The following DLGAP4 variants were observed in gnomAD, a reference collection of about 807,000 sequenced individuals.
The protein encoded by DLGAP4 is DLG associated protein 4.
DLGAP4 carries 18 observed loss-of-function variants against 86.9 expected under a neutral mutation model. That is an observed-to-expected ratio of 0.21 (90% confidence interval 0.14 to 0.31). DLGAP4 has a LOEUF of 0.31. DLGAP4 is among the 10% of genes least tolerant of loss of function. The pLI is 1.00. For synonymous variants in DLGAP4, 548 were observed against 574.3 expected, an observed-to-expected ratio of 0.95 and a Z score of 0.65; for missense variants, 1,085 against 1,362.6, an observed-to-expected ratio of 0.80 and a Z score of 3.21.
rs1013070759 is a variant in DLGAP4 at position 36,308,321 on chromosome 20, C to T, written c.-304+1809C>T. Among the ~76,000 whole-genome samples, 1 of 152,172 alleles carries T rather than the reference C, an allele frequency of 6.6e-6. No homozygotes were observed. Among genetic ancestry groups the T allele is most frequent in the Admixed American group, 6.5e-5 (1 of 15,280 alleles). On this transcript the variant is annotated intron_variant, in intron 1 of 12. Coordinates refer to ENST00000339266, the MANE Select transcript of DLGAP4 (RefSeq NM_001365621.2). The surrounding 1 kb of genome is among the most constrained non-coding windows in gnomAD (Gnocchi z 4.5). ...GGAGTGCAATGGCTGACAGGGTCCCCACCTCCAGGAGCCTCTTTTTTGTTG... is the reference window on the plus strand; with the variant it reads ...GGAGTGCAATGGCTGACAGGGTCCCTACCTCCAGGAGCCTCTTTTTTGTTG...
intron 2 of DLGAP4, among the ~76,000 whole-genome samples, chr20:36,420,701 T>C (rs1345797506): frequency 6.6e-6 from 1 of 151,582 alleles, no homozygotes; most frequent in African/African-American, 2.4e-5. Flanking sequence ...AGGCTGGGTG[T>C]GGTAGCTCAC....
chr20:36,439,702 CT>C, intron 4 of DLGAP4, 51 bp from the exon 5 acceptor site: 1 of 1,527,678 alleles, frequency 6.5e-7, no homozygotes, highest in Non-Finnish European at 9.0e-7. Flanking sequence ...CCTCCAAAAG[CT>C]GGGTGAACAA....
intron 1 of DLGAP4, among the ~76,000 whole-genome samples, chr20:36,362,063 G>A (rs1342596511): frequency 3.3e-5 from 5 of 150,900 alleles, no homozygotes; most frequent in East Asian, 3.9e-4. Flanking sequence ...AGACTGAGGC[G>A]GGCAGATCAC....
intron 1 of DLGAP4, among the ~76,000 whole-genome samples, chr20:36,354,417 G>A (rs1160788922): frequency 6.6e-6 from 1 of 152,212 alleles, no homozygotes; most frequent in Admixed American, 6.5e-5. Context: ...TCTTTAATGA[G>A]TTTTAATAAA....
chr20:36,527,748 A>C lies in DLGAP4; in HGVS notation c.*717A>C, dbSNP rs1268835289. 4 of 152,640 alleles carry C rather than the reference A, an allele frequency of 2.6e-5. No individual in the cohort carries two copies. In the South Asian group the frequency reaches 6.2e-4, roughly 24 times the overall value. 9.5% of individuals were successfully genotyped at this position (152,640 alleles called of 1,614,324 possible). The stretch of plus-strand genomic sequence containing the variant: ...CCGCTGAGCAGATGAGGGAAGTTTT[A>C]GTCTTGGCGGGTGGAAATGAGACGA... On this transcript the variant is annotated 3_prime_UTR_variant, in exon 13 of 13. Coordinates refer to ENST00000339266, the MANE Select transcript of DLGAP4 (RefSeq NM_001365621.2).
At chr20:36,517,929 T>G (rs1427920949) in intron 10 of DLGAP4, among the ~76,000 whole-genome samples, 1 of 152,154 alleles carries the variant, frequency 6.6e-6, no homozygotes, top group Non-Finnish European at 1.5e-5. Flanking sequence ...CTGAAGGAAT[T>G]TAACAACAGG....
chr20:36,500,625 G>A lies in DLGAP4; in HGVS notation c.2512+14G>A. ...TCTCTGAAGAAGGTGGGTGCCACAT[G>A]GATGGTCCTTGGGCAAGGGTAGAAG... On this transcript the variant is annotated intron_variant, in intron 10 of 12. Transcript: ENST00000339266. The surrounding 1 kb of genome is among the most constrained non-coding windows in gnomAD (Gnocchi z 4.6). 1 of 1,480,972 alleles carries A rather than the reference G, an allele frequency of 6.8e-7. No homozygotes were observed. The highest frequency in any genetic ancestry group is 1.4e-5 in the African/African-American group (1 of 70,712). The allele number at this position is 1,480,972 out of a possible 1,614,324, so 91.7% of individuals were successfully genotyped here.
At chr20:36,358,066 C>T (rs891911133) in intron 1 of DLGAP4, among the ~76,000 whole-genome samples, 1 of 152,236 alleles carries the variant, frequency 6.6e-6, no homozygotes, top group African/African-American at 2.4e-5. Flanking sequence ...TCTGCTGTCA[C>T]TGGCTGTATG....
intron 2 of DLGAP4, among the ~76,000 whole-genome samples, chr20:36,379,860 G>T (rs1283004254): frequency 6.6e-6 from 1 of 152,190 alleles, no homozygotes; most frequent in Non-Finnish European, 1.5e-5. Context: ...AGTAACATTT[G>T]TATAAATACC....
intron 1 of DLGAP4, among the ~76,000 whole-genome samples, chr20:36,316,316 C>T (rs2065099119): frequency 6.6e-6 from 1 of 152,138 alleles, no homozygotes; most frequent in Non-Finnish European, 1.5e-5. Context: ...ACAGCCCCCT[C>T]CTGCTTTGCC....
intron 7 of DLGAP4, among the ~76,000 whole-genome samples, chr20:36,485,862 T>C (rs1170014967): frequency 6.6e-6 from 1 of 152,142 alleles, no homozygotes; most frequent in Non-Finnish European, 1.5e-5. Flanking sequence ...TTTTCAGAAA[T>C]GATTATTTTT....
intron 10 of DLGAP4, among the ~76,000 whole-genome samples, chr20:36,518,913 C>T (rs1341197761): frequency 2.0e-5 from 3 of 151,950 alleles, no homozygotes; most frequent in African/African-American, 4.8e-5. Context: ...GTCAGGAGTT[C>T]GAGACTAGCC....
chr20:36,455,710 C>A (rs560350980), intron 7 of DLGAP4, among the ~76,000 whole-genome samples: 21 of 152,298 alleles, frequency 1.4e-4, no homozygotes, highest in African/African-American at 5.1e-4. Context: ...AGCTGCTATG[C>A]CTGCCCCTCT....
intron 7 of DLGAP4, among the ~76,000 whole-genome samples, chr20:36,479,433 C>A (rs2035087422): frequency 6.6e-6 from 1 of 151,946 alleles, no homozygotes; most frequent in Non-Finnish European, 1.5e-5. Flanking sequence ...GGCTCAGGGT[C>A]TAAAGGAGGA....
chr20:36,405,021 A>T (rs535833957), intron 2 of DLGAP4, among the ~76,000 whole-genome samples: 1 of 152,332 alleles, frequency 6.6e-6, no homozygotes, highest in East Asian at 1.9e-4. Context: ...GGAGAAGGCC[A>T]ATCAAGGCAG....
intron 7 of DLGAP4, among the ~76,000 whole-genome samples, chr20:36,452,795 CCACTG>C (rs905061482): frequency 1.3e-5 from 2 of 150,052 alleles, no homozygotes; most frequent in African/African-American, 4.9e-5. Context: ...CAGGCGTGAG[CCACTG>C]CGCTTGGCCT....
intron 11 of DLGAP4, among the ~76,000 whole-genome samples, chr20:36,524,668 T>C (rs2037594850): frequency 6.6e-6 from 1 of 152,056 alleles, no homozygotes; most frequent in Non-Finnish European, 1.5e-5. Flanking sequence ...CTTGGGAGGC[T>C]GAGGCGGGTG....
intron 7 of DLGAP4, among the ~76,000 whole-genome samples, chr20:36,481,596 C>T (rs76720925): frequency 6.6e-6 from 1 of 152,202 alleles, no homozygotes; most frequent in African/African-American, 2.4e-5. Context: ...TTTTCATTGT[C>T]ATCTCCACAT....
At chr20:36,380,399 C>G (rs994438154) in intron 2 of DLGAP4, among the ~76,000 whole-genome samples, 1 of 151,460 alleles carries the variant, frequency 6.6e-6, no homozygotes, top group African/African-American at 2.4e-5. Flanking sequence ...ACAGTGAGAC[C>G]CTGTCTCAAA....
Sources: allele counts gnomAD v4.1 joint callset (sites outside exome capture counted in the v4.1 genomes callset), GRCh38; gene constraint gnomAD v4.1.1; non-coding constraint Gnocchi (gnomAD v3.1); transcripts MANE v1.5; gene names NCBI Gene and HGNC (gene_info 2026-07-23, HGNC 2026-07-21).